CSMD1: variants seen among roughly 807,000 people sequenced by gnomAD.
CSMD1 encodes CUB and Sushi multiple domains 1.
A neutral mutation model predicts 417.5 loss-of-function variants in CSMD1; 213 were observed. The observed-to-expected ratio is 0.51, with a 90% CI of 0.46 to 0.57. The LOEUF is 0.57. Among genes scored for constraint, CSMD1 ranks in the 20% least tolerant of loss-of-function variants. The pLI, the probability that CSMD1 is intolerant of heterozygous loss-of-function variation, is 0.00. For synonymous variants in CSMD1, 2,862 were observed against 1,736.8 expected (o/e 1.65, Z -16.11); for missense variants, 6,923 against 4,529.7 (o/e 1.53, Z -15.17).
intron 7 of CSMD1, among the ~76,000 whole-genome samples, chr8:3,637,975 G>A (rs978438748): frequency 6.6e-6 from 1 of 152,116 alleles, no homozygotes; most frequent in Non-Finnish European, 1.5e-5. Context: ...TGATTGTGAG[G>A]CCTCCTCAGT....
chr8:3,535,888 A>T lies in CSMD1; in HGVS notation c.1344+39057T>A, dbSNP rs562356957. 5.9e-5 allele frequency among the ~76,000 whole-genome samples: 9 copies of T among 152,274 alleles called. No homozygotes were observed. In the South Asian group the frequency reaches 1.9e-3, roughly 32 times the overall value. On this transcript the variant is annotated intron_variant, in intron 10 of 69. Transcript: ENST00000635120. Reference sequence around the variant, plus strand: ...TTGTAGGTAGAACTCTAGGCTGGCCACTAAGCTTCCCCCTCCTGGTGGATG... The same window carrying T: ...TTGTAGGTAGAACTCTAGGCTGGCCTCTAAGCTTCCCCCTCCTGGTGGATG...
intron 3 of CSMD1, among the ~76,000 whole-genome samples, chr8:4,072,840 A>G (rs1418058483): frequency 2.0e-5 from 3 of 152,326 alleles, no homozygotes; most frequent in Non-Finnish European, 4.4e-5. Context: ...CGTCTTTTCC[A>G]CTACAACAAT....
chr8:3,614,303 T>C (rs1048249901), intron 8 of CSMD1, among the ~76,000 whole-genome samples: 1 of 152,012 alleles, frequency 6.6e-6, no homozygotes, highest in African/African-American at 2.4e-5. Flanking sequence ...CTATATTCTT[T>C]CCCTGACGGG....
rs547806811 is a variant in CSMD1, at chr8:4,223,058, T to G, written c.416-190959A>C. ...GACAACAGGCTTCCTACATTGGACA[T>G]TGGAGAGCTGCCTAAACAGCTGGTT... is the stretch of plus-strand genomic sequence containing the variant. On this transcript the variant is annotated intron_variant, in intron 3 of 69. Coordinates refer to ENST00000635120, the MANE Select transcript of CSMD1 (RefSeq NM_033225.6). 3.9e-5 allele frequency among the ~76,000 whole-genome samples: 6 copies of G among 152,194 alleles called. No individual in the cohort carries two copies. In the South Asian group the frequency reaches 1.2e-3, roughly 32 times the overall value.
At chr8:3,719,595 G>C (rs1802031905) in intron 6 of CSMD1, among the ~76,000 whole-genome samples, 1 of 152,120 alleles carries the variant, frequency 6.6e-6, no homozygotes, top group African/African-American at 2.4e-5. Context: ...CAAGAGTGCT[G>C]TGATGAACGA....
At position 4,683,294 on chromosome 8, in the gene CSMD1, A is replaced by T. The variant is rs192172775; in HGVS notation, c.86-45736T>A. 2.6e-5 allele frequency among the ~76,000 whole-genome samples: 4 copies of T among 152,222 alleles called. No homozygotes were observed. In the East Asian group the frequency reaches 7.7e-4, roughly 29 times the overall value. On this transcript the variant is annotated intron_variant, in intron 1 of 69. Transcript: ENST00000635120. Reference sequence around the variant, plus strand: ...GTAATTAAGATAAAAAGAAAAGCAAAATCCAAAGTACATTTAATAGTAAAT... The same window carrying T: ...GTAATTAAGATAAAAAGAAAAGCAATATCCAAAGTACATTTAATAGTAAAT...
intron 3 of CSMD1, among the ~76,000 whole-genome samples, chr8:4,417,043 T>C (rs1351747006): frequency 2.6e-5 from 4 of 152,002 alleles, no homozygotes; most frequent in Admixed American, 2.6e-4. Context: ...GCAAGTAAAA[T>C]CTTACAACAC....
intron 11 of CSMD1, among the ~76,000 whole-genome samples, chr8:3,479,296 T>C (rs1354416653): frequency 6.6e-6 from 1 of 152,160 alleles, no homozygotes; most frequent in African/African-American, 2.4e-5. Flanking sequence ...TTATTTATTT[T>C]TTAGACTAAG....
chr8:3,075,276 CTTTCT>C (rs1563310584), intron 49 of CSMD1, among the ~76,000 whole-genome samples: 18 of 38,188 alleles, frequency 4.7e-4, no homozygotes, highest in Non-Finnish European at 7.8e-4. Context: ...TCTTTTCTTT[CTTTCT>C]TTTTTTTTTT....
At chr8:3,955,283 A>G (rs1388884562) in intron 5 of CSMD1, among the ~76,000 whole-genome samples, 1 of 152,176 alleles carries the variant, frequency 6.6e-6, no homozygotes, top group Non-Finnish European at 1.5e-5. Flanking sequence ...AGAGGCATGC[A>G]GTGTCAACAC....
chr8:3,191,939 T>A (rs544637938), intron 33 of CSMD1, among the ~76,000 whole-genome samples: 1 of 152,304 alleles, frequency 6.6e-6, no homozygotes, highest in Admixed American at 6.5e-5. Flanking sequence ...GTATATGAAT[T>A]TTCCCTTAAA....
chr8:3,736,859 G>A (rs1796548659), intron 6 of CSMD1, among the ~76,000 whole-genome samples: 1 of 152,182 alleles, frequency 6.6e-6, no homozygotes, highest in Admixed American at 6.5e-5. Context: ...ACATATGAAT[G>A]GGTGAAAGCC....
At chr8:4,335,077 C>T (rs570999113) in intron 3 of CSMD1, among the ~76,000 whole-genome samples, 15 of 152,220 alleles carry the variant, frequency 9.9e-5, no homozygotes, top group Admixed American at 9.8e-4. Context: ...AATTTTTGTA[C>T]TTTGTGTAGA....
At position 3,775,586 on chromosome 8, in the gene CSMD1, T is replaced by G. The variant is rs181319664; in HGVS notation, c.819-21544A>C. On this transcript the variant is annotated intron_variant, in intron 5 of 69. Transcript: ENST00000635120. ...TCAAATGATCTCCAGTGTGGACTCATGTGCTCTTGTCAGTAAAGTTCGTAA... is the reference window on the plus strand; with the variant it reads ...TCAAATGATCTCCAGTGTGGACTCAGGTGCTCTTGTCAGTAAAGTTCGTAA... Among the ~76,000 whole-genome samples the G allele has an allele frequency of 2.7e-4, 41 of 152,316 alleles. No individual in the cohort carries two copies. The South Asian group carries it at 3.5e-3, about 13-fold the overall frequency.
At position 4,623,731 on chromosome 8, in the gene CSMD1, ATG is replaced by A. The variant is rs1399303136; in HGVS notation, c.302+13609_302+13610del. 1.8e-4 allele frequency among the ~76,000 whole-genome samples: 27 copies of A among 152,032 alleles called. No individual in the cohort carries two copies. In the South Asian group the frequency reaches 5.2e-3, roughly 29 times the overall value. Reference sequence around the variant, plus strand: ...AGTGAAAGAAGTTAGGCATATACAGATGTGTGTGTGTATATATATATTTCATA... The same window carrying A: ...AGTGAAAGAAGTTAGGCATATACAGATGTGTGTGTATATATATATTTCATA... On this transcript the variant is annotated intron_variant, in intron 2 of 69. Transcript: ENST00000635120.
intron 10 of CSMD1, among the ~76,000 whole-genome samples, chr8:3,552,195 T>C (rs1454155517): frequency 1.3e-5 from 2 of 152,062 alleles, no homozygotes; most frequent in African/African-American, 4.8e-5. Context: ...GTACTGTCTG[T>C]GGAAAAGACA....
At chr8:3,915,406 A>C (rs1808748204) in intron 5 of CSMD1, among the ~76,000 whole-genome samples, 2 of 56,928 alleles carry the variant, frequency 3.5e-5, no homozygotes, top group South Asian at 1.1e-3. Flanking sequence ...ACTCTGTCTC[A>C]AAAAAAAAAA....
At chr8:4,267,087 A>C (rs1267676152) in intron 3 of CSMD1, among the ~76,000 whole-genome samples, 2 of 103,930 alleles carry the variant, frequency 1.9e-5, no homozygotes, top group African/African-American at 5.2e-5. Context: ...TGTTTACTTC[A>C]ATGTTATTTT....
At position 4,054,912 on chromosome 8, in the gene CSMD1, T is replaced by C. The variant is rs566284355; in HGVS notation, c.416-22813A>G. Reference sequence around the variant, plus strand: ...CTACGTCTGCCTGTGCCCTGAGCTCTGGGGTTTCTCTTTTAAATCAATAAA... The same window carrying C: ...CTACGTCTGCCTGTGCCCTGAGCTCCGGGGTTTCTCTTTTAAATCAATAAA... On this transcript the variant is annotated intron_variant, in intron 3 of 69. Coordinates refer to ENST00000635120, the MANE Select transcript of CSMD1 (RefSeq NM_033225.6). Among the ~76,000 whole-genome samples, 7 of 152,272 alleles carry C rather than the reference T, an allele frequency of 4.6e-5. No homozygotes were observed. In the East Asian group the frequency reaches 9.7e-4, roughly 21 times the overall value.
Sources: gnomAD v4.1 joint callset for allele counts (sites outside exome capture counted in the v4.1 genomes callset) on GRCh38, gnomAD v4.1.1 for gene constraint, MANE v1.5 for transcripts, NCBI Gene and HGNC (gene_info 2026-07-23, HGNC 2026-07-21) for gene names.